Variants in CSMD1 observed in about 807,000 individuals in gnomAD.
The protein encoded by CSMD1 is CUB and sushi domain-containing protein 1.
CSMD1 carries 213 observed loss-of-function variants against 417.5 expected under a neutral mutation model. The ratio of observed to expected loss-of-function variants is 0.51; its 90% CI spans 0.46 to 0.57. CSMD1 has a LOEUF of 0.57. Among genes scored for constraint, CSMD1 ranks in the 20% least tolerant of loss-of-function variants. The pLI is 0.00. For missense variants in CSMD1, 6,923 were observed against 4,529.7 expected, an observed-to-expected ratio of 1.53 and a Z score of -15.17; for synonymous variants, 2,862 against 1,736.8, an observed-to-expected ratio of 1.65 and a Z score of -16.11.
At chr8:3,615,981 G>C (rs1678702272) in intron 8 of CSMD1, among the ~76,000 whole-genome samples, 1 of 152,072 alleles carries the variant, frequency 6.6e-6, no homozygotes, top group Non-Finnish European at 1.5e-5. Context: ...TCAGTATCTA[G>C]TTCACCATAA....
chr8:3,798,632 G>A (rs1285836607), intron 5 of CSMD1, among the ~76,000 whole-genome samples: 2 of 152,176 alleles, frequency 1.3e-5, no homozygotes, highest in East Asian at 1.9e-4. Flanking sequence ...CAGTACTCAT[G>A]CTATATAAAA....
chr8:4,008,864 C>A (rs1417431646), intron 4 of CSMD1, among the ~76,000 whole-genome samples: 3 of 151,978 alleles, frequency 2.0e-5, no homozygotes, highest in Non-Finnish European at 2.9e-5. Flanking sequence ...TCCGCCTCGG[C>A]CTCCCAAAGT....
At chr8:3,149,964 A>G (rs554597874) in intron 40 of CSMD1, among the ~76,000 whole-genome samples, 4 of 152,286 alleles carry the variant, frequency 2.6e-5, no homozygotes, top group Admixed American at 6.5e-5. Context: ...TGTGTAAACT[A>G]TCCCGGGTTA....
intron 2 of CSMD1, among the ~76,000 whole-genome samples, chr8:4,620,446 T>C (rs1034882968): frequency 1.3e-5 from 2 of 151,610 alleles, no homozygotes; most frequent in Non-Finnish European, 3.0e-5. Context: ...TAAATAATCA[T>C]AGATAACGCT....
intron 10 of CSMD1, among the ~76,000 whole-genome samples, chr8:3,525,884 T>G (rs902749863): frequency 2.0e-5 from 3 of 152,190 alleles, no homozygotes; most frequent in African/African-American, 7.2e-5. Flanking sequence ...TAACTTGATC[T>G]GTATAAGACA....
At chr8:4,905,310 C>T (rs966287915) in intron 1 of CSMD1, among the ~76,000 whole-genome samples, 4 of 152,046 alleles carry the variant, frequency 2.6e-5, no homozygotes, top group African/African-American at 7.3e-5. Context: ...ATGGATAACT[C>T]GCTGTGTCAA....
intron 36 of CSMD1, among the ~76,000 whole-genome samples, chr8:3,185,106 G>A (rs1354296297): frequency 1.3e-5 from 2 of 152,212 alleles, no homozygotes; most frequent in African/African-American, 2.4e-5. Flanking sequence ...TAAATTTATA[G>A]CCAGTTGGTC....
intron 46 of CSMD1, among the ~76,000 whole-genome samples, chr8:3,097,821 G>A (rs753128887): frequency 6.6e-6 from 1 of 152,134 alleles, no homozygotes; most frequent in Non-Finnish European, 1.5e-5. Context: ...TGATTGCTCG[G>A]GACCCTGGGA....
chr8:4,045,931 A>G (rs1253118945), intron 3 of CSMD1, among the ~76,000 whole-genome samples: 1 of 152,142 alleles, frequency 6.6e-6, no homozygotes, highest in Non-Finnish European at 1.5e-5. Flanking sequence ...ATTTTCTGGA[A>G]AAATACATCT....
chr8:3,776,048 C>T (rs541229533), intron 5 of CSMD1, among the ~76,000 whole-genome samples: 1 of 152,298 alleles, frequency 6.6e-6, no homozygotes, highest in South Asian at 2.1e-4. Flanking sequence ...CTGGAGCCAC[C>T]TCAGAACCCA....
At chr8:4,113,359 A>G (rs1043366220) in intron 3 of CSMD1, among the ~76,000 whole-genome samples, 3 of 151,044 alleles carry the variant, frequency 2.0e-5, no homozygotes, top group Non-Finnish European at 4.4e-5. Context: ...TGTGAGTGCA[A>G]ATAAAATGTT....
chr8:4,111,404 C>T (rs528364595), intron 3 of CSMD1, among the ~76,000 whole-genome samples: 31 of 152,190 alleles, frequency 2.0e-4, no homozygotes, highest in African/African-American at 7.5e-4. Flanking sequence ...AAGTATGTAT[C>T]TTTATTATAG....
intron 3 of CSMD1, among the ~76,000 whole-genome samples, chr8:4,113,698 C>T (rs925691201): frequency 1.3e-5 from 2 of 152,168 alleles, no homozygotes; most frequent in Non-Finnish European, 2.9e-5. Context: ...GCCACCGCGC[C>T]CAGCCAGTGC....
intron 6 of CSMD1, among the ~76,000 whole-genome samples, chr8:3,746,336 T>C (rs141180036): frequency 6.6e-6 from 1 of 152,348 alleles, no homozygotes; most frequent in East Asian, 1.9e-4. Flanking sequence ...TACCAGTCAC[T>C]GCCAAGTATT....
chr8:3,511,905 A>G (rs1797090072), intron 10 of CSMD1, among the ~76,000 whole-genome samples: 1 of 101,816 alleles, frequency 9.8e-6, no homozygotes, highest in Non-Finnish European at 2.0e-5. Flanking sequence ...AGAAAGTCAA[A>G]TTAAAAAAAA....
At chr8:4,791,497 G>A (rs571775770) in intron 1 of CSMD1, among the ~76,000 whole-genome samples, 1 of 152,264 alleles carries the variant, frequency 6.6e-6, no homozygotes, top group Admixed American at 6.5e-5. Context: ...CGCTCAAGGA[G>A]TAACAAACAA....
At chr8:2,981,027 T>C (rs1043528684) in intron 54 of CSMD1, among the ~76,000 whole-genome samples, 2 of 152,216 alleles carry the variant, frequency 1.3e-5, no homozygotes, top group South Asian at 2.1e-4. Flanking sequence ...CTACATAGAG[T>C]TGCAGTCAGA....
At chr8:4,601,565 G>T (rs1043178179) in intron 2 of CSMD1, among the ~76,000 whole-genome samples, 1 of 152,148 alleles carries the variant, frequency 6.6e-6, no homozygotes, top group Non-Finnish European at 1.5e-5. Context: ...GTAGTATTAA[G>T]AATTGAATAC....
chr8:3,908,951 C>T (rs570988324), intron 5 of CSMD1, among the ~76,000 whole-genome samples: 2 of 152,328 alleles, frequency 1.3e-5, no homozygotes, highest in East Asian at 3.9e-4. Context: ...AGGGCTCCTT[C>T]ACTACTGTTC....
Sources: allele counts gnomAD v4.1 joint callset (sites outside exome capture counted in the v4.1 genomes callset), GRCh38; gene constraint gnomAD v4.1.1; transcripts MANE v1.5; gene names NCBI Gene and HGNC (gene_info 2026-07-23, HGNC 2026-07-21).